CNTN6: variants seen among roughly 807,000 people sequenced by gnomAD.
CNTN6 encodes contactin 6.
Under a neutral mutation model 122.8 loss-of-function variants are expected in CNTN6, and 137 were observed. The ratio of observed to expected loss-of-function variants is 1.12; its 90% confidence interval spans 0.97 to 1.29. CNTN6 has a LOEUF of 1.29. Ranked by LOEUF, CNTN6 falls within the 50% of genes most tolerant of loss-of-function variation. The pLI is 0.00. For synonymous variants in CNTN6, 570 were observed against 426.0 expected (o/e 1.34, Z -4.16); for missense variants, 1,634 against 1,223.4 (o/e 1.34, Z -5.01).
chr3:1,325,791 G>T, intron 8 of CNTN6, 24 bp from the exon 9 acceptor site: 1 of 1,607,172 alleles, frequency 6.2e-7, no homozygotes, highest in Non-Finnish European at 8.5e-7. Flanking sequence ...TTACCAAACA[G>T]TGGCACTTGC....
At chr3:1,245,402 T>C (rs1417811533) in intron 4 of CNTN6, among the ~76,000 whole-genome samples, 1 of 135,234 alleles carries the variant, frequency 7.4e-6, no homozygotes, top group Non-Finnish European at 1.6e-5. Context: ...CTAGATGGAA[T>C]TGGAGACTAT....
In CNTN6 at chr3:1,395,026, CTG is replaced by C. The variant is rs377050801; in HGVS notation, c.2705-6405_2705-6404del. Among the ~76,000 whole-genome samples, 29 of 152,240 alleles carry C rather than the reference CTG, an allele frequency of 1.9e-4. No individual in the cohort carries two copies. The East Asian group carries it at 3.3e-3, about 17-fold the overall frequency. ...TAACTAAATCAAACAAGAAAAACCTCTGTAATTCCTAGATATCTAGTTTCAAT... is the reference window on the plus strand; with the variant it reads ...TAACTAAATCAAACAAGAAAAACCTCTAATTCCTAGATATCTAGTTTCAAT... On this transcript the variant is annotated intron_variant, in intron 20 of 22. Coordinates refer to ENST00000446702, the MANE Select transcript of CNTN6 (RefSeq NM_001289080.2).
Position 1,127,805 on chromosome 3 carries a change from C to T in CNTN6, c.-82-20122C>T, listed in dbSNP as rs531442995. 2.6e-5 allele frequency among the ~76,000 whole-genome samples: 4 copies of T among 151,904 alleles called. No homozygotes were observed. In the South Asian group the frequency reaches 8.3e-4, roughly 31 times the overall value. On this transcript the variant is annotated intron_variant, in intron 1 of 22. Coordinates refer to ENST00000446702, the MANE Select transcript of CNTN6 (RefSeq NM_001289080.2). ...CAAATTTTTCAGGCCTTTCATTCGG[C>T]CAAAGCAACAATTGATGTGGTATTT...
intron 2 of CNTN6, among the ~76,000 whole-genome samples, chr3:1,200,232 C>T (rs2093842771): frequency 6.6e-6 from 1 of 152,140 alleles, no homozygotes; most frequent in African/African-American, 2.4e-5. Context: ...TGGGGTTTCA[C>T]CATGTTGACC....
At chr3:1,320,960 T>C (rs1700757762) in intron 7 of CNTN6, among the ~76,000 whole-genome samples, 1 of 151,756 alleles carries the variant, frequency 6.6e-6, no homozygotes, top group African/African-American at 2.4e-5. Context: ...AAGTTCTTTA[T>C]AACAGGGGAC....
At chr3:1,339,029 A>G (rs1249131024) in intron 11 of CNTN6, among the ~76,000 whole-genome samples, 2 of 152,024 alleles carry the variant, frequency 1.3e-5, no homozygotes, top group African/African-American at 4.8e-5. Context: ...TCTCATTAAA[A>G]CCTTCCAAAC....
Position 1,305,184 on chromosome 3 carries a change from C to A in CNTN6, c.761+7193C>A, listed in dbSNP as rs558291180. On this transcript the variant is annotated intron_variant, in intron 7 of 22. Coordinates refer to ENST00000446702, the MANE Select transcript of CNTN6 (RefSeq NM_001289080.2). Reference sequence around the variant, plus strand: ...ATTAGGTAGCACTCAGAAAACATAGCTTCTGTCACGGATACCATCATGCAG... The same window carrying A: ...ATTAGGTAGCACTCAGAAAACATAGATTCTGTCACGGATACCATCATGCAG... 4.6e-5 allele frequency among the ~76,000 whole-genome samples: 7 copies of A among 152,210 alleles called. No individual in the cohort carries two copies. In the South Asian group the frequency reaches 1.2e-3, roughly 27 times the overall value.
chr3:1,373,051 T>C (rs1265565632), intron 14 of CNTN6, 96 bp downstream of exon 14: 11 of 716,270 alleles, frequency 1.5e-5, no homozygotes, highest in Admixed American at 2.5e-5. Flanking sequence ...CACCATGTTA[T>C]GGAAGTGAGA....
Position 1,220,679 on chromosome 3 carries a change from T to C in CNTN6, c.56-8T>C. ...TTTTTCATGTGATTTATTCTTTTCT[T>C]TTCCCAGGTGATGGTCTTTTAAGCC... On this transcript the variant is annotated splice_region_variant and splice_polypyrimidine_tract_variant and intron_variant, in intron 2 of 22. Transcript: ENST00000446702. 1 of 1,598,978 alleles carries C rather than the reference T, an allele frequency of 6.3e-7. No individual in the cohort carries two copies. The highest frequency in any genetic ancestry group is 8.5e-7 in the Non-Finnish European group (1 of 1,174,810).
chr3:1,213,530 A>G (rs1407300611), intron 2 of CNTN6, among the ~76,000 whole-genome samples: 1 of 151,976 alleles, frequency 6.6e-6, no homozygotes, highest in Non-Finnish European at 1.5e-5. Context: ...AAACTATGAA[A>G]TATTATGCAA....
chr3:1,400,549 GATCA>G (rs1695556387), intron 20 of CNTN6, among the ~76,000 whole-genome samples: 2 of 152,244 alleles, frequency 1.3e-5, no homozygotes, highest in Non-Finnish European at 2.9e-5. Flanking sequence ...CCTTTGGGAT[GATCA>G]ATCAGTTTGT....
Position 1,295,704 on chromosome 3 carries a change from G to A in CNTN6, c.558G>A (p.Val186=), listed in dbSNP as rs999133870. Reference sequence around the variant, plus strand: ...CGGGAAACTTGTACATTGCCAAAGTGGAACCATCAGATGTGGGCAACTACA... The same window carrying A: ...CGGGAAACTTGTACATTGCCAAAGTAGAACCATCAGATGTGGGCAACTACA... ...QETGNLYIAK[V]EPSDVGNYTC... is the part of the protein sequence containing the mutation. Residue 186 remains valine, a synonymous_variant, in exon 6 of 23, where the codon GTG becomes GTA. Coordinates refer to ENST00000446702, the MANE Select transcript of CNTN6 (RefSeq NM_001289080.2). The A allele has an allele frequency of 3.1e-6, 5 of 1,613,904 alleles. No individual in the cohort carries two copies. The African/African-American group carries it at 6.7e-5, about 22-fold the overall frequency.
intron 2 of CNTN6, among the ~76,000 whole-genome samples, chr3:1,155,895 C>T (rs1559414292): frequency 6.6e-6 from 1 of 152,208 alleles, no homozygotes; most frequent in Admixed American, 6.5e-5. Context: ...GATGCCTATG[C>T]AGAGAAAACT....
rs1693419211 is a variant in CNTN6, at chr3:1,281,477, T to G, written c.454+2969T>G. ...CATAAAAGTTGACTTTTTTTTTTTT[T>G]TTTTTGAGACGGAGTCTCCTTCTGT... On this transcript the variant is annotated intron_variant, in intron 5 of 22. Transcript: ENST00000446702. Among the ~76,000 whole-genome samples, 2 of 151,586 alleles carry G rather than the reference T, an allele frequency of 1.3e-5. 1 individual carries two copies. The highest frequency in any genetic ancestry group is 4.2e-4 in the South Asian group (2 of 4,794).
chr3:1,303,727 T>C (rs1323751404), intron 7 of CNTN6, among the ~76,000 whole-genome samples: 1 of 152,140 alleles, frequency 6.6e-6, no homozygotes. Context: ...TAATTTAAGA[T>C]TGAATAGTAG....
intron 1 of CNTN6, among the ~76,000 whole-genome samples, chr3:1,110,910 C>T (rs1269800459): frequency 6.6e-6 from 1 of 152,142 alleles, no homozygotes; most frequent in Non-Finnish European, 1.5e-5. Context: ...TAGTAAAGAA[C>T]TCGAATTTTA....
intron 2 of CNTN6, among the ~76,000 whole-genome samples, chr3:1,212,404 T>C (rs1207719051): frequency 1.3e-5 from 2 of 151,764 alleles, no homozygotes; most frequent in Non-Finnish European, 2.9e-5. Context: ...ATTATAATCA[T>C]TGGTGATTAC....
At chr3:1,284,627 TCC>T (rs1235738176) in intron 5 of CNTN6, among the ~76,000 whole-genome samples, 1 of 152,142 alleles carries the variant, frequency 6.6e-6, no homozygotes, top group Non-Finnish European at 1.5e-5. Flanking sequence ...AGTTTTTAGC[TCC>T]ATGAATCTTA....
At chr3:1,185,769 G>T (rs2093620640) in intron 2 of CNTN6, among the ~76,000 whole-genome samples, 1 of 152,072 alleles carries the variant, frequency 6.6e-6, no homozygotes, top group Non-Finnish European at 1.5e-5. Context: ...TTTAATCCCT[G>T]TACCTCACTT....
Sources: gnomAD v4.1 joint callset for allele counts (sites outside exome capture counted in the v4.1 genomes callset) on GRCh38, gnomAD v4.1.1 for gene constraint, MANE v1.5 for transcripts, NCBI Gene and HGNC (gene_info 2026-07-23, HGNC 2026-07-21) for gene names.